The following CSMD1 variants were observed in gnomAD, a reference collection of about 807,000 sequenced individuals.
CSMD1 encodes CUB and sushi domain-containing protein 1.
In CSMD1, 213 loss-of-function variants were observed where a neutral mutation model predicts 417.5. The ratio of observed to expected loss-of-function variants is 0.51; its 90% CI spans 0.46 to 0.57. The LOEUF is 0.57. Among genes scored for constraint, CSMD1 ranks in the 20% least tolerant of loss-of-function variants. The probability of loss-of-function intolerance (pLI) is 0.00; values close to 1 mark genes in which losing one functional copy is unlikely to be tolerated. For synonymous variants in CSMD1, 2,862 were observed against 1,736.8 expected (o/e 1.65, Z -16.11); for missense variants, 6,923 against 4,529.7 (o/e 1.53, Z -15.17).
intron 3 of CSMD1, among the ~76,000 whole-genome samples, chr8:4,307,750 G>C (rs1016247369): frequency 1.3e-5 from 2 of 152,166 alleles, no homozygotes; most frequent in African/African-American, 4.8e-5. Context: ...TGGGCAACCA[G>C]AGAGTTTATC....
At chr8:4,043,097 A>T (rs1797976648) in intron 3 of CSMD1, among the ~76,000 whole-genome samples, 2 of 152,118 alleles carry the variant, frequency 1.3e-5, no homozygotes, top group Admixed American at 6.5e-5. Context: ...GCACCACTGC[A>T]CTTCCAGCCT....
chr8:3,670,080 C>G (rs1332445317), intron 7 of CSMD1, among the ~76,000 whole-genome samples: 1 of 152,056 alleles, frequency 6.6e-6, no homozygotes, highest in Non-Finnish European at 1.5e-5. Flanking sequence ...TGAGTGTCAA[C>G]TTGATTGGAT....
At chr8:3,457,829 C>T (rs925511165) in intron 12 of CSMD1, among the ~76,000 whole-genome samples, 1 of 152,108 alleles carries the variant, frequency 6.6e-6, no homozygotes, top group African/African-American at 2.4e-5. Flanking sequence ...GTATCCGATG[C>T]AGGGATCCCA....
intron 3 of CSMD1, among the ~76,000 whole-genome samples, chr8:4,377,626 G>C (rs771795614): frequency 1.3e-5 from 2 of 152,030 alleles, no homozygotes; most frequent in African/African-American, 4.8e-5. Context: ...CAAAACTAGA[G>C]GTTCAATGAA....
intron 7 of CSMD1, among the ~76,000 whole-genome samples, chr8:3,668,468 G>C (rs1270303500): frequency 6.6e-6 from 1 of 152,184 alleles, no homozygotes; most frequent in African/African-American, 2.4e-5. Context: ...AGAGATGATA[G>C]AGTTTGGGGG....
intron 3 of CSMD1, among the ~76,000 whole-genome samples, chr8:4,045,110 A>C (rs1489942929): frequency 1.3e-5 from 2 of 152,166 alleles, no homozygotes. Context: ...GGAGACACTG[A>C]ACATGGCAGT....
chr8:3,735,647 T>A (rs1796490479), intron 6 of CSMD1, among the ~76,000 whole-genome samples: 1 of 152,326 alleles, frequency 6.6e-6, no homozygotes, highest in South Asian at 2.1e-4. Context: ...GGTGCCCTGG[T>A]TCACTCGGCT....
At chr8:3,257,688 A>G (rs771097806) in intron 26 of CSMD1, among the ~76,000 whole-genome samples, 14 of 152,140 alleles carry the variant, frequency 9.2e-5, no homozygotes, top group Non-Finnish European at 1.5e-4. Context: ...TGAAGTTTCT[A>G]TCAAAGACCC....
chr8:3,542,011 C>T (rs961432758), intron 10 of CSMD1, among the ~76,000 whole-genome samples: 3 of 151,338 alleles, frequency 2.0e-5, no homozygotes, highest in African/African-American at 4.8e-5. Flanking sequence ...GACTCCATTT[C>T]GAAAAAAAGG....
intron 11 of CSMD1, chr8:3,469,228 C>G (rs1816949018): frequency 6.4e-6 from 1 of 155,868 alleles, no homozygotes; most frequent in African/African-American, 2.4e-5. Flanking sequence ...TTGCACAACA[C>G]CAGCCATGAA....
Position 3,087,137 on chromosome 8 carries a change from A to G in CSMD1, c.7434T>C (p.Leu2478=). The G allele has an allele frequency of 6.2e-7, 1 of 1,613,766 alleles. No homozygotes were observed. The change falls in exon 49 of 70, where the codon CTT becomes CTC. Residue 2478 remains leucine, a synonymous_variant. Transcript: ENST00000635120. ...HSNATCRRNP[L]GMYQWDSLTP... The stretch of plus-strand genomic sequence containing the variant: ...TGAGGGAGTCCCACTGGTACATGCC[A>G]AGTGGGTTTCGTCTACAGGTTGCAT...
intron 3 of CSMD1, among the ~76,000 whole-genome samples, chr8:4,388,592 G>T (rs1210914873): frequency 6.6e-6 from 1 of 151,804 alleles, no homozygotes; most frequent in Non-Finnish European, 1.5e-5. Flanking sequence ...CTGCAAATAG[G>T]GTACAGTGTA....
At position 3,189,007 on chromosome 8, in the gene CSMD1, G is replaced by C. The variant is rs756782586; in HGVS notation, c.5403C>G (p.Pro1801=). Residue 1801 remains proline (P), a synonymous_variant, in exon 35 of 70, where the codon CCC becomes CCG. Coordinates refer to ENST00000635120, the MANE Select transcript of CSMD1 (RefSeq NM_033225.6). ...WNDTIPSCVV[P]CSGNFTQRRG... ...TTCGTTGAGTGAAATTGCCACTGCA[G>C]GGTACTAAAAGACACAACCATATGT... 6.2e-6 allele frequency: 10 copies of C among 1,612,290 alleles called. No homozygotes were observed. Among genetic ancestry groups the C allele is most frequent in the South Asian group, 4.4e-5 (4 of 90,762 alleles).
intron 4 of CSMD1, among the ~76,000 whole-genome samples, chr8:4,013,185 A>G (rs1054817804): frequency 6.6e-6 from 1 of 152,086 alleles, no homozygotes; most frequent in African/African-American, 2.4e-5. Context: ...AGGCTGATCT[A>G]CAGGGCCCAC....
At chr8:3,018,778 C>A in intron 51 of CSMD1, 128 bp from the exon 52 acceptor site, 1 of 835,992 alleles carries the variant, frequency 1.2e-6, no homozygotes, top group Non-Finnish European at 1.8e-6. Flanking sequence ...TCACTAAGAA[C>A]ATGGTTGAGA....
At chr8:4,207,117 T>A (rs904638095) in intron 3 of CSMD1, among the ~76,000 whole-genome samples, 1 of 152,170 alleles carries the variant, frequency 6.6e-6, no homozygotes, top group South Asian at 2.1e-4. Flanking sequence ...TTCTAAATAG[T>A]CTTAAAAATA....
intron 49 of CSMD1, among the ~76,000 whole-genome samples, chr8:3,079,687 G>A (rs1466360577): frequency 4.6e-5 from 7 of 152,118 alleles, no homozygotes; most frequent in Admixed American, 4.6e-4. Flanking sequence ...AGTTTCCTCT[G>A]AAAGATGCCC....
intron 1 of CSMD1, among the ~76,000 whole-genome samples, chr8:4,839,009 G>C (rs79204960): frequency 1.3e-5 from 2 of 152,134 alleles, no homozygotes; most frequent in Non-Finnish European, 2.9e-5. Context: ...TTAACATTCA[G>C]ACTTGTGGTT....
chr8:2,998,592 G>A (rs1282670292), intron 53 of CSMD1, among the ~76,000 whole-genome samples: 1 of 152,172 alleles, frequency 6.6e-6, no homozygotes, highest in Non-Finnish European at 1.5e-5. Context: ...CTCCTTTTGA[G>A]ACAGTATGGG....
Sources: gnomAD v4.1 joint callset for allele counts (sites outside exome capture counted in the v4.1 genomes callset) on GRCh38, gnomAD v4.1.1 for gene constraint, MANE v1.5 for transcripts, NCBI Gene and HGNC (gene_info 2026-07-23, HGNC 2026-07-21) for gene names.